The following PDE1C variants were observed in gnomAD, a reference collection of about 807,000 sequenced individuals.
PDE1C encodes phosphodiesterase 1C, also known as dual specificity calcium/calmodulin-dependent 3',5'-cyclic nucleotide phosphodiesterase 1C.
PDE1C carries 62 observed loss-of-function variants against 93.1 expected under a neutral mutation model. The ratio of observed to expected loss-of-function variants is 0.67; its 90% CI spans 0.54 to 0.82. The LOEUF (loss-of-function observed/expected upper bound fraction) is 0.82. PDE1C is among the 40% of genes least tolerant of loss of function. PDE1C has a pLI of 0.00. For missense variants in PDE1C, 742 were observed against 884.6 expected (o/e 0.84, Z 2.04); for synonymous variants, 325 against 310.1 (o/e 1.05, Z -0.50).
At chr7:31,813,262 C>G (rs1787770275) in intron 15 of PDE1C, among the ~76,000 whole-genome samples, 1 of 152,080 alleles carries the variant, frequency 6.6e-6, no homozygotes, top group African/African-American at 2.4e-5. Context: ...GCATGCACAG[C>G]CCGGCCCAGC....
At chr7:32,213,632 T>C (rs911254719) in intron 1 of PDE1C, among the ~76,000 whole-genome samples, 6 of 152,200 alleles carry the variant, frequency 3.9e-5, no homozygotes, top group Non-Finnish European at 8.8e-5. Flanking sequence ...CCTCAAACAC[T>C]GCTGCTTGCC....
intron 9 of PDE1C, 119 bp downstream of exon 9, chr7:31,847,849 G>A (rs1792825395): frequency 2.9e-6 from 3 of 1,050,454 alleles, no homozygotes; most frequent in Non-Finnish European, 4.4e-6. Context: ...AAGAAAGAGA[G>A]AGAAAGCAAC....
chr7:31,632,295 T>A, the PDE1C span, among the ~76,000 whole-genome samples: 9 of 151,524 alleles, frequency 5.9e-5, no homozygotes, highest in African/African-American at 1.5e-4. Flanking sequence ...AAAAAAACAA[T>A]AAATTAGCCA....
Position 31,812,719 on chromosome 7 carries a change from T to C in PDE1C, c.1813+3205A>G, listed in dbSNP as rs532448980. On this transcript the variant is annotated intron_variant, in intron 15 of 17. Transcript: ENST00000396191. ...ACCTTATGTTCTGCAAAGCCTAAAA[T>C]ATTTACTATCTTGTCCCTTATAGAA... Among the ~76,000 whole-genome samples, 3 of 152,290 alleles carry C rather than the reference T, an allele frequency of 2.0e-5. No homozygotes were observed. The South Asian group carries it at 6.2e-4, about 32-fold the overall frequency.
intron 16 of PDE1C, among the ~76,000 whole-genome samples, chr7:31,796,836 G>A (rs181395949): frequency 2.7e-3 from 410 of 151,840 alleles, no homozygotes; most frequent in Admixed American, 9.7e-3. Flanking sequence ...CAAAATGACA[G>A]TGAAGTATCT....
chr7:31,652,925 A>G, the PDE1C span: 3 of 1,528,862 alleles, frequency 2.0e-6, no homozygotes, highest in African/African-American at 4.1e-5. Flanking sequence ...AGGGTCTGCC[A>G]ACCCATTGTC....
the PDE1C span, among the ~76,000 whole-genome samples, chr7:31,704,980 T>A: frequency 6.6e-6 from 1 of 152,170 alleles, no homozygotes; most frequent in Non-Finnish European, 1.5e-5. Context: ...TTAAGGCTCA[T>A]CCTAAGCAAT....
At chr7:32,210,074 T>C (rs886533941) in intron 1 of PDE1C, among the ~76,000 whole-genome samples, 1 of 152,234 alleles carries the variant, frequency 6.6e-6, no homozygotes, top group African/African-American at 2.4e-5. Context: ...ATTAATAGAA[T>C]TGTTCAGAAA....
chr7:31,784,159 T>G (rs1204976735), intron 16 of PDE1C: 1 of 152,168 alleles, frequency 6.6e-6, no homozygotes, highest in Non-Finnish European at 1.5e-5. Context: ...GGAGATGAGT[T>G]GAGTTTTCCA....
At chr7:31,807,009 C>T (rs1183497153) in intron 16 of PDE1C, among the ~76,000 whole-genome samples, 3 of 151,842 alleles carry the variant, frequency 2.0e-5, no homozygotes, top group Non-Finnish European at 2.9e-5. Flanking sequence ...TGGGACTCAT[C>T]AAATTGCTTT....
intron 2 of PDE1C, among the ~76,000 whole-genome samples, chr7:31,962,435 G>T (rs548616407): frequency 6.6e-6 from 1 of 152,314 alleles, no homozygotes; most frequent in East Asian, 1.9e-4. Context: ...ACATGCTTAT[G>T]GCCCACACTT....
At chr7:31,808,576 C>CTGTTTT (rs946571130) in intron 16 of PDE1C, among the ~76,000 whole-genome samples, 1 of 151,850 alleles carries the variant, frequency 6.6e-6, no homozygotes, top group African/African-American at 2.4e-5. Flanking sequence ...ATAAAGACCC[C>CTGTTTT]TGTTTTTGTT....
intron 2 of PDE1C, among the ~76,000 whole-genome samples, chr7:31,915,941 G>T (rs978100444): frequency 6.6e-6 from 1 of 152,114 alleles, no homozygotes; most frequent in Non-Finnish European, 1.5e-5. Context: ...AAAAAGGTAT[G>T]ATCTAATAGT....
the PDE1C span, among the ~76,000 whole-genome samples, chr7:31,620,505 G>A: frequency 6.6e-6 from 1 of 151,334 alleles, no homozygotes; most frequent in African/African-American, 2.4e-5. Context: ...AACAGGGTCT[G>A]GAGTGGACCT....
intron 1 of PDE1C, among the ~76,000 whole-genome samples, chr7:32,058,468 G>A (rs1309928932): frequency 6.6e-6 from 1 of 152,218 alleles, no homozygotes; most frequent in East Asian, 1.9e-4. Context: ...TGAAATGAGT[G>A]AGGATCTGAA....
chr7:32,203,729 C>T (rs1033803280), intron 2 of PDE1C, among the ~76,000 whole-genome samples: 2 of 152,184 alleles, frequency 1.3e-5, no homozygotes, highest in Non-Finnish European at 2.9e-5. Context: ...AATCAGAACA[C>T]GATTCTGCTC....
At chr7:32,105,569 C>A (rs532075998) in intron 3 of PDE1C, among the ~76,000 whole-genome samples, 1 of 152,174 alleles carries the variant, frequency 6.6e-6, no homozygotes, top group African/African-American at 2.4e-5. Context: ...CACTCCTCTT[C>A]CCCGTTAGCT....
At chr7:32,386,579 T>G (rs1161850660) in intron 1 of PDE1C, among the ~76,000 whole-genome samples, 1 of 124,802 alleles carries the variant, frequency 8.0e-6, no homozygotes, top group Non-Finnish European at 1.6e-5. Flanking sequence ...TCAACATTCT[T>G]GCATCCACAT....
chr7:31,877,350 T>C (rs1796719032), intron 5 of PDE1C, among the ~76,000 whole-genome samples: 1 of 152,182 alleles, frequency 6.6e-6, no homozygotes, highest in Non-Finnish European at 1.5e-5. Context: ...TTAGCCCATT[T>C]AAACTCAAGC....
Sources: gnomAD v4.1 joint callset for allele counts (sites outside exome capture counted in the v4.1 genomes callset) on GRCh38, gnomAD v4.1.1 for gene constraint, MANE v1.5 for transcripts, NCBI Gene and HGNC (gene_info 2026-07-23, HGNC 2026-07-21) for gene names.